Variants in CCNE1 observed in about 807,000 individuals in gnomAD.
CCNE1 encodes the protein cyclin E1.
In CCNE1, 8 loss-of-function variants were observed where a neutral mutation model predicts 54.1. The ratio of observed to expected loss-of-function variants is 0.15; its 90% CI spans 0.09 to 0.27. The LOEUF (loss-of-function observed/expected upper bound fraction) is 0.27. CCNE1 is among the 10% of genes least tolerant of loss of function. The pLI, the probability that CCNE1 is intolerant of heterozygous loss-of-function variation, is 1.00. For missense variants in CCNE1, 430 were observed against 514.9 expected (o/e 0.84, Z 1.60); for synonymous variants, 179 against 185.2 (o/e 0.97, Z 0.27).
At chr19:29,818,721 G>A (rs1217606680) in intron 6 of CCNE1, among the ~76,000 whole-genome samples, 1 of 151,766 alleles carries the variant, frequency 6.6e-6, no homozygotes, top group African/African-American at 2.4e-5. Flanking sequence ...CTTGAGCCCA[G>A]GAGTTAGAGA....
At chr19:29,816,380 A>G (rs964518813) in intron 4 of CCNE1, among the ~76,000 whole-genome samples, 7 of 152,248 alleles carry the variant, frequency 4.6e-5, no homozygotes, top group African/African-American at 1.7e-4. Context: ...TTAAAAGAAA[A>G]GCATAGTGCT....
intron 7 of CCNE1, 61 bp downstream of exon 7, chr19:29,820,909 T>G (rs1372411679): frequency 3.7e-6 from 5 of 1,352,272 alleles, no homozygotes; most frequent in Admixed American, 3.7e-5. Context: ...CCACTGAGAT[T>G]GGGGGAAGAG....
chr19:29,814,071 G>A (rs537273603), intron 4 of CCNE1, among the ~76,000 whole-genome samples: 5 of 152,258 alleles, frequency 3.3e-5, no homozygotes, highest in African/African-American at 7.2e-5. Context: ...AAGGTCCCCC[G>A]AAATAAGCAT....
chr19:29,817,413 A>T lies in CCNE1; in HGVS notation c.334A>T (p.Asn112Tyr). 6.2e-7 allele frequency: 1 copy of T among 1,614,166 alleles called. No homozygotes were observed. ...TTGTGTGTTTTGTTGTAGCTGGGCA[A>T]ATAGAGAGGAAGTCTGGAAAATCAT... Reference protein sequence around the residue: ...GSPLPVLSWANREEVWKIMLN... With the variant: ...GSPLPVLSWAYREEVWKIMLN... The change falls in exon 6 of 12, where the codon AAT (asparagine) becomes TAT (tyrosine). Residue 112 changes from asparagine (N) to tyrosine (Y), a missense_variant. Coordinates refer to ENST00000262643, the MANE Select transcript of CCNE1 (RefSeq NM_001238.4).
rs1380928442 is a variant in CCNE1 at position 29,813,034 on chromosome 19, C to T, written c.177C>T (p.Ser59=). 3 of 1,613,912 alleles carry T rather than the reference C, an allele frequency of 1.9e-6. No individual in the cohort carries two copies. The African/African-American group carries it at 4.0e-5, about 22-fold the overall frequency. ...IDRTARDQCG[S]QPWDNNAVCA... ...GGACGGCGAGGGACCAGTGTGGGAG[C>T]CAGGTAGGTCCGCCCGGGGTTGGGC... Residue 59 remains serine, a synonymous_variant, in exon 4 of 12, where the codon AGC becomes AGT. Coordinates refer to ENST00000262643, the MANE Select transcript of CCNE1 (RefSeq NM_001238.4).
chr19:29,812,458 C>G (rs1973912132), intron 1 of CCNE1, 74 bp from the exon 2 acceptor site: 9 of 1,062,726 alleles, frequency 8.5e-6, no homozygotes, highest in Non-Finnish European at 1.1e-5. Context: ...CCCGGCCGCC[C>G]GCGCGCAAAG....
rs371277614 is a variant in CCNE1, at chr19:29,822,549, C to A, written c.1056C>A (p.Val352=). 1 of 1,614,066 alleles carries A rather than the reference C, an allele frequency of 6.2e-7. No individual in the cohort carries two copies. ...GSSKLKHFRG[V]ADEDAHNIQT... ...CAAAACTGAAGCACTTCAGGGGCGT[C>A]GCTGATGAAGATGCACACAACATAC... The change falls in exon 11 of 12, where the codon GTC becomes GTA. Residue 352 remains valine (V), a synonymous_variant. Coordinates refer to ENST00000262643, the MANE Select transcript of CCNE1 (RefSeq NM_001238.4).
intron 6 of CCNE1, among the ~76,000 whole-genome samples, chr19:29,820,466 G>A (rs1974121728): frequency 6.6e-6 from 1 of 151,880 alleles, no homozygotes. Flanking sequence ...CAAGAGAATC[G>A]CTTGAGCCTG....
intron 4 of CCNE1, among the ~76,000 whole-genome samples, chr19:29,815,649 G>T (rs1260881300): frequency 1.4e-5 from 2 of 138,994 alleles, no homozygotes; most frequent in African/African-American, 5.4e-5. Flanking sequence ...TTGGGGGGGG[G>T]ACAGAGTCTT....
intron 4 of CCNE1, among the ~76,000 whole-genome samples, chr19:29,813,514 C>T (rs187247440): frequency 6.6e-6 from 1 of 152,266 alleles, no homozygotes; most frequent in Admixed American, 6.5e-5. Flanking sequence ...GTTTAAGGAC[C>T]TCCTCCGTCT....
intron 7 of CCNE1, among the ~76,000 whole-genome samples, chr19:29,821,269 C>A (rs1196171040): frequency 6.6e-6 from 1 of 152,094 alleles, no homozygotes; most frequent in Non-Finnish European, 1.5e-5. Context: ...TGCCTGTAAT[C>A]CCAGCTATTC....
chr19:29,823,989 ACCAGCCACCT>A lies in CCNE1; in HGVS notation c.*217_*226del, dbSNP rs1974218434. ...TTTTTTAAATAAGTGGGTCAAGTAC[ACCAGCCACCT>A]CCAGACACCAGTGCGTGCTCCCGAT... is the stretch of plus-strand genomic sequence containing the variant. On this transcript the variant is annotated 3_prime_UTR_variant, in exon 12 of 12. Transcript: ENST00000262643. 2 of 458,106 alleles carry A rather than the reference ACCAGCCACCT, an allele frequency of 4.4e-6. No individual in the cohort carries two copies. The highest frequency in any genetic ancestry group is 7.6e-6 in the Non-Finnish European group (2 of 263,926). 28.4% of individuals were successfully genotyped at this position (458,106 alleles called of 1,614,324 possible).
At chr19:29,813,203 C>CCT (rs1290569795) in intron 4 of CCNE1, 166 bp downstream of exon 4, 4 of 619,634 alleles carry the variant, frequency 6.5e-6, no homozygotes, top group Non-Finnish European at 1.1e-5. Flanking sequence ...TGGGCACTGG[C>CCT]CTCTGCCAGT....
At chr19:29,821,346 C>T (rs1599603178) in intron 7 of CCNE1, among the ~76,000 whole-genome samples, 1 of 152,176 alleles carries the variant, frequency 6.6e-6, no homozygotes, top group African/African-American at 2.4e-5. Context: ...GAGATCCTAC[C>T]ACTGCACTCC....
At position 29,822,340 on chromosome 19, in the gene CCNE1, A is replaced by C; in HGVS notation, c.941A>C (p.Gln314Pro). The change falls in exon 10 of 12, where the codon CAA becomes CCA. Residue 314 changes from glutamine to proline, a missense_variant. Physicochemically the swap from Gln to Pro is moderately conservative, Grantham distance 76. This residue lies in a region of CCNE1 where 303 missense variants were observed against 401.1 expected (regional missense o/e 0.76). Transcript: ENST00000262643. ...CATTTCTCGTCATCTGAATTGATGC[A>C]AAAGGTTTCAGGTAAGTTGGCTTTC... is the stretch of plus-strand genomic sequence containing the variant. ...LYHFSSSELM[Q>P]KVSGYQWCDI... The C allele has an allele frequency of 6.2e-7, 1 of 1,613,992 alleles. No homozygotes were observed. The highest frequency in any genetic ancestry group is 8.5e-7 in the Non-Finnish European group (1 of 1,179,914).
chr19:29,821,336 G>A (rs1252881631), intron 7 of CCNE1, among the ~76,000 whole-genome samples: 1 of 152,134 alleles, frequency 6.6e-6, no homozygotes, highest in Admixed American at 6.6e-5. Context: ...GCAGTGAGTC[G>A]AGATCCTACC....
intron 4 of CCNE1, 95 bp downstream of exon 4, chr19:29,813,132 G>A (rs1407113017): frequency 8.6e-7 from 1 of 1,162,220 alleles, no homozygotes; most frequent in Non-Finnish European, 1.3e-6. Context: ...GAGACACTCT[G>A]GTGAGAGTGA....
intron 4 of CCNE1, among the ~76,000 whole-genome samples, chr19:29,814,122 G>T (rs899112366): frequency 6.6e-6 from 1 of 152,096 alleles, no homozygotes; most frequent in Non-Finnish European, 1.5e-5. Flanking sequence ...AAGGGTTGCT[G>T]ATTTCCTTTT....
chr19:29,812,351 G>A (rs1973909090), intron 1 of CCNE1, among the ~76,000 whole-genome samples, 181 bp from the exon 2 acceptor site: 1 of 149,496 alleles, frequency 6.7e-6, no homozygotes, highest in Non-Finnish European at 1.5e-5. Flanking sequence ...ACGGGCCGGT[G>A]AGGGCGGCGG....
Sources: allele counts gnomAD v4.1 joint callset (sites outside exome capture counted in the v4.1 genomes callset), GRCh38; gene constraint gnomAD v4.1.1; regional missense constraint gnomAD v4.1.1; transcripts MANE v1.5; gene names NCBI Gene and HGNC (gene_info 2026-07-23, HGNC 2026-07-21).